Variants in MMS22L observed in about 807,000 individuals in gnomAD.
The protein encoded by MMS22L is MMS22 like, DNA repair protein.
In MMS22L, 74 loss-of-function variants were observed where a neutral mutation model predicts 159.1. The observed-to-expected ratio is 0.47, with a 90% CI of 0.39 to 0.56. The LOEUF is 0.56. Ranked by LOEUF, MMS22L falls within the 20% of genes least tolerant of loss-of-function variation. The pLI is 0.00. For synonymous variants in MMS22L, 517 were observed against 506.9 expected (o/e 1.02, Z -0.27); for missense variants, 1,351 against 1,422.1 (o/e 0.95, Z 0.80).
rs568556219 is a variant in MMS22L at position 97,258,919 on chromosome 6, G to A, written c.943-4186C>T. 15 of 152,110 alleles carry A rather than the reference G, an allele frequency of 9.9e-5. No individual in the cohort carries two copies. The East Asian group carries it at 2.9e-3, about 29-fold the overall frequency. 9.4% of individuals were successfully genotyped at this position (152,110 alleles called of 1,614,324 possible). ...TCAGTTGTTTCTGTTATATTCCATT[G>A]AGTGCACCTTTCATACAGATTGATT... On this transcript the variant is annotated intron_variant, in intron 9 of 24. Transcript: ENST00000683635.
intron 16 of MMS22L, among the ~76,000 whole-genome samples, chr6:97,180,813 T>C (rs1474586995): frequency 6.6e-6 from 1 of 152,190 alleles, no homozygotes; most frequent in African/African-American, 2.4e-5. Context: ...TGAACTCTCT[T>C]ACCTTACAAC....
intron 3 of MMS22L, 66 bp from the exon 4 acceptor site, chr6:97,278,964 G>A: frequency 7.3e-7 from 1 of 1,371,574 alleles, no homozygotes; most frequent in Non-Finnish European, 1.0e-6. Context: ...CAATTACGTG[G>A]ACAATGTTTC....
intron 8 of MMS22L, chr6:97,265,674 C>T (rs372004309): frequency 6.6e-6 from 1 of 150,584 alleles, no homozygotes; most frequent in Non-Finnish European, 1.5e-5. Flanking sequence ...GAAAACAACC[C>T]AATTACAAAA....
At chr6:97,239,971 T>A (rs1470120146) in intron 11 of MMS22L, among the ~76,000 whole-genome samples, 1 of 152,216 alleles carries the variant, frequency 6.6e-6, no homozygotes, top group African/African-American at 2.4e-5. Flanking sequence ...ATTTGAAGGC[T>A]GCTGTATATT....
chr6:97,224,072 C>T (rs1809951115), intron 14 of MMS22L, among the ~76,000 whole-genome samples: 1 of 152,118 alleles, frequency 6.6e-6, no homozygotes, highest in Non-Finnish European at 1.5e-5. Flanking sequence ...TGAAAGGAAT[C>T]AAATGTTATC....
At chr6:97,232,556 T>C (rs924350431) in intron 12 of MMS22L, among the ~76,000 whole-genome samples, 11 of 152,086 alleles carry the variant, frequency 7.2e-5, no homozygotes, top group Non-Finnish European at 1.5e-5. Context: ...TGCTCAAATT[T>C]TCCCATTTTC....
intron 6 of MMS22L, chr6:97,272,150 C>T (rs965428673): frequency 1.3e-5 from 2 of 152,022 alleles, no homozygotes; most frequent in Non-Finnish European, 2.9e-5. Flanking sequence ...ATAAGCTAGG[C>T]ACGGTAACAA....
intron 14 of MMS22L, among the ~76,000 whole-genome samples, chr6:97,225,427 T>A (rs1810123543): frequency 6.6e-6 from 1 of 152,062 alleles, no homozygotes; most frequent in African/African-American, 2.4e-5. Context: ...CTCGGCTTAC[T>A]GCAACCACCA....
chr6:97,150,502 TAGA>T (rs1363831488), intron 23 of MMS22L, among the ~76,000 whole-genome samples: 1 of 152,156 alleles, frequency 6.6e-6, no homozygotes, highest in African/African-American at 2.4e-5. Flanking sequence ...TTTAGACCCA[TAGA>T]AGGTCTTTAT....
intron 10 of MMS22L, among the ~76,000 whole-genome samples, chr6:97,247,769 C>A (rs754018463): frequency 3.9e-5 from 6 of 151,988 alleles, no homozygotes; most frequent in African/African-American, 7.2e-5. Flanking sequence ...AAACCTGAGG[C>A]CTTAAAAAGT....
intron 9 of MMS22L, chr6:97,259,802 C>A (rs1019802664): frequency 6.6e-6 from 1 of 151,952 alleles, no homozygotes; most frequent in Admixed American, 6.6e-5. Flanking sequence ...GTTTGTTCAA[C>A]TACTCTTTTA....
intron 22 of MMS22L, among the ~76,000 whole-genome samples, chr6:97,152,838 T>C (rs1801454286): frequency 6.6e-6 from 1 of 151,432 alleles, no homozygotes; most frequent in Non-Finnish European, 1.5e-5. Flanking sequence ...ATGAGTATTT[T>C]CTTTTTTTTT....
At chr6:97,158,382 T>C (rs1331559377) in intron 22 of MMS22L, among the ~76,000 whole-genome samples, 1 of 152,222 alleles carries the variant, frequency 6.6e-6, no homozygotes, top group Non-Finnish European at 1.5e-5. Flanking sequence ...CTTGCTTCTC[T>C]AGTTATTTTA....
chr6:97,234,202 A>G (rs1811162502), intron 11 of MMS22L, among the ~76,000 whole-genome samples: 1 of 152,188 alleles, frequency 6.6e-6, no homozygotes, highest in African/African-American at 2.4e-5. Context: ...CAGAAGTCAC[A>G]TAACTCGACT....
chr6:97,176,641 C>T (rs897991218), intron 18 of MMS22L, among the ~76,000 whole-genome samples: 17 of 152,100 alleles, frequency 1.1e-4, no homozygotes, highest in African/African-American at 3.6e-4. Flanking sequence ...AGAGGGCATA[C>T]GTGACCAGTC....
intron 14 of MMS22L, among the ~76,000 whole-genome samples, chr6:97,211,072 T>C (rs1171136777): frequency 1.3e-5 from 2 of 151,956 alleles, no homozygotes; most frequent in Non-Finnish European, 1.5e-5. Flanking sequence ...TACACAAGAG[T>C]ACTTACTAGC....
chr6:97,244,551 A>G (rs761992425), intron 11 of MMS22L, among the ~76,000 whole-genome samples: 1 of 152,188 alleles, frequency 6.6e-6, no homozygotes, highest in Non-Finnish European at 1.5e-5. Flanking sequence ...CAGCCAGAAT[A>G]AAGAGCAGGC....
At chr6:97,225,523 A>G (rs1471550638) in intron 14 of MMS22L, among the ~76,000 whole-genome samples, 1 of 149,762 alleles carries the variant, frequency 6.7e-6, no homozygotes, top group African/African-American at 2.5e-5. Context: ...TAACTTTTGT[A>G]TTTTTAGTAG....
intron 22 of MMS22L, among the ~76,000 whole-genome samples, chr6:97,154,931 C>G (rs1037759686): frequency 6.6e-6 from 1 of 152,140 alleles, no homozygotes; most frequent in African/African-American, 2.4e-5. Context: ...ATTGATTTGG[C>G]TATTCTGGGT....
Sources: allele counts gnomAD v4.1 joint callset (sites outside exome capture counted in the v4.1 genomes callset), GRCh38; gene constraint gnomAD v4.1.1; transcripts MANE v1.5; gene names NCBI Gene and HGNC (gene_info 2026-07-23, HGNC 2026-07-21).